RGS9: variants seen among roughly 807,000 people sequenced by gnomAD.
RGS9 encodes regulator of G protein signaling 9.
RGS9 carries 78 observed loss-of-function variants against 102.0 expected under a neutral mutation model. The ratio of observed to expected loss-of-function variants is 0.76; its 90% CI spans 0.64 to 0.92. The LOEUF (loss-of-function observed/expected upper bound fraction) is 0.92, where lower values mean the gene tolerates loss of function less well. Ranked by LOEUF, RGS9 falls within the 40% of genes least tolerant of loss-of-function variation. RGS9 has a pLI of 0.00. For missense variants in RGS9, 833 were observed against 866.1 expected, an observed-to-expected ratio of 0.96 and a Z score of 0.48; for synonymous variants, 353 against 318.6, an observed-to-expected ratio of 1.11 and a Z score of -1.15.
intron 17 of RGS9, among the ~76,000 whole-genome samples, chr17:65,221,802 C>T (rs115153861): frequency 0.011 from 1,718 of 152,292 alleles, 31 homozygotes; most frequent in African/African-American, 0.04. Flanking sequence ...TGTCTTCCCA[C>T]GGTGGAAGGG....
chr17:65,188,974 A>G (rs1311828834), intron 9 of RGS9: 1 of 433,712 alleles, frequency 2.3e-6, no homozygotes, highest in Admixed American at 3.7e-5. Context: ...CACTCTACAG[A>G]TCATTCTGTA....
chr17:65,215,236 G>A (rs1401497482), intron 17 of RGS9, among the ~76,000 whole-genome samples: 1 of 152,158 alleles, frequency 6.6e-6, no homozygotes, highest in Non-Finnish European at 1.5e-5. Flanking sequence ...AGATGCTGGA[G>A]GCAGGTGGAT....
In RGS9 at chr17:65,225,013, C is replaced by T. The variant is rs779715648; in HGVS notation, c.1419C>T (p.His473=). 6.2e-7 allele frequency: 1 copy of T among 1,613,846 alleles called. No individual in the cohort carries two copies. Among genetic ancestry groups the T allele is most frequent in the African/African-American group, 1.3e-5 (1 of 74,922 alleles). The change falls in exon 18 of 19, where the codon CAC becomes CAT. Residue 473 remains histidine, a synonymous_variant. Coordinates refer to ENST00000262406, the MANE Select transcript of RGS9 (RefSeq NM_003835.4). The stretch of plus-strand genomic sequence containing the variant: ...TTCCTTCTCTACAGCCGGGCCAGCA[C>T]ATGGCTCCCAGCCCCCATCTGACCG... ...NTVDITQPGQ[H]MAPSPHLTVY...
chr17:65,166,609 C>T (rs908541751), intron 7 of RGS9, among the ~76,000 whole-genome samples: 4 of 152,214 alleles, frequency 2.6e-5, no homozygotes, highest in African/African-American at 7.2e-5. Context: ...TCCTAGGTTA[C>T]TAACTCTCTT....
chr17:65,146,404 C>G (rs1445550394), intron 1 of RGS9, among the ~76,000 whole-genome samples: 1 of 150,354 alleles, frequency 6.7e-6, no homozygotes, highest in Non-Finnish European at 1.5e-5. Flanking sequence ...CCTGGCAAAC[C>G]TGGTGAAACC....
intron 1 of RGS9, among the ~76,000 whole-genome samples, chr17:65,147,090 A>T (rs1225354797): frequency 6.6e-6 from 1 of 152,004 alleles, no homozygotes; most frequent in African/African-American, 2.4e-5. Context: ...TGCTTCCCTC[A>T]TTGCTGCTGG....
chr17:65,183,335 C>T (rs1263019541), intron 9 of RGS9, among the ~76,000 whole-genome samples: 2 of 152,138 alleles, frequency 1.3e-5, no homozygotes, highest in East Asian at 3.8e-4. Flanking sequence ...TTTGGCCGGG[C>T]TGATCTCAAA....
intron 15 of RGS9, among the ~76,000 whole-genome samples, chr17:65,205,009 C>T (rs912635911): frequency 6.6e-6 from 1 of 152,052 alleles, no homozygotes; most frequent in African/African-American, 2.4e-5. Context: ...GGCGTAGTGT[C>T]TAGGAGAGAC....
chr17:65,158,294 G>A lies in RGS9; in HGVS notation c.155-1G>A. On this transcript the variant is annotated splice_acceptor_variant, in intron 2 of 18. Transcript: ENST00000262406. LOFTEE classifies it high-confidence loss of function. ...AACCGCAAATGTCTCTTGTTTTTCAGGAAGTGATGTTCTGCAATGGATCGT... is the reference window on the plus strand; with the variant it reads ...AACCGCAAATGTCTCTTGTTTTTCAAGAAGTGATGTTCTGCAATGGATCGT... 1 of 1,614,138 alleles carries A rather than the reference G, an allele frequency of 6.2e-7. No individual in the cohort carries two copies. The highest frequency in any genetic ancestry group is 1.1e-5 in the South Asian group (1 of 91,070).
intron 11 of RGS9, among the ~76,000 whole-genome samples, chr17:65,191,992 G>A (rs1912387379): frequency 6.6e-6 from 1 of 152,282 alleles, no homozygotes; most frequent in South Asian, 2.1e-4. Context: ...GGCACAGCAG[G>A]TTTTCAATAC....
intron 17 of RGS9, among the ~76,000 whole-genome samples, chr17:65,222,590 G>A (rs1913738624): frequency 6.6e-6 from 1 of 152,172 alleles, no homozygotes; most frequent in Non-Finnish European, 1.5e-5. Context: ...TACCTAGCAT[G>A]TAGTAGATAC....
At chr17:65,201,536 G>A (rs777793284) in intron 13 of RGS9, among the ~76,000 whole-genome samples, 4 of 152,306 alleles carry the variant, frequency 2.6e-5, no homozygotes, top group Middle Eastern at 3.4e-3. Flanking sequence ...AAACCGTAGC[G>A]TAGCAACGCA....
At chr17:65,144,754 TCTCCC>T (rs534324974) in intron 1 of RGS9, among the ~76,000 whole-genome samples, 1 of 152,266 alleles carries the variant, frequency 6.6e-6, no homozygotes, top group South Asian at 2.1e-4. Context: ...GTTCAGATTC[TCTCCC>T]CTCTGTGCAG....
At chr17:65,200,689 T>G (rs1050023473) in intron 13 of RGS9, among the ~76,000 whole-genome samples, 1 of 152,172 alleles carries the variant, frequency 6.6e-6, no homozygotes, top group African/African-American at 2.4e-5. Flanking sequence ...CCAGGAGCTT[T>G]TAAAAAAATG....
chr17:65,161,015 A>G (rs2143995559), intron 6 of RGS9, 106 bp downstream of exon 6: 1 of 914,822 alleles, frequency 1.1e-6, no homozygotes, highest in South Asian at 1.3e-5. Flanking sequence ...GCCCACATTC[A>G]TATGCAATCC....
chr17:65,180,074 A>G (rs530339459), intron 9 of RGS9: 25 of 152,372 alleles, frequency 1.6e-4, no homozygotes, highest in African/African-American at 6.0e-4. Flanking sequence ...TGCAATTCTC[A>G]TGCATGCAGA....
chr17:65,188,398 G>A (rs772793760), intron 9 of RGS9, among the ~76,000 whole-genome samples: 5 of 152,140 alleles, frequency 3.3e-5, no homozygotes, highest in African/African-American at 9.7e-5. Context: ...AGCTCAACTC[G>A]GGGACTCAGC....
intron 17 of RGS9, among the ~76,000 whole-genome samples, chr17:65,224,603 G>A (rs1905532775): frequency 6.6e-6 from 1 of 152,188 alleles, no homozygotes; most frequent in African/African-American, 2.4e-5. Context: ...CTGAGGTTGG[G>A]GCCCAAGGAT....
intron 11 of RGS9, among the ~76,000 whole-genome samples, chr17:65,193,144 G>A (rs982884532): frequency 1.3e-5 from 2 of 150,422 alleles, no homozygotes; most frequent in Admixed American, 1.3e-4. Context: ...GGTGGTGCGC[G>A]TCTGTGATCC....
Sources: gnomAD v4.1 joint callset for allele counts (sites outside exome capture counted in the v4.1 genomes callset) on GRCh38, gnomAD v4.1.1 for gene constraint, MANE v1.5 for transcripts, NCBI Gene and HGNC (gene_info 2026-07-23, HGNC 2026-07-21) for gene names.